The following PTPRF variants were observed in gnomAD, a reference collection of about 807,000 sequenced individuals.
PTPRF encodes the protein receptor-type tyrosine-protein phosphatase F.
Under a neutral mutation model 201.8 loss-of-function variants are expected in PTPRF, and 59 were observed. The ratio of observed to expected loss-of-function variants is 0.29; its 90% CI spans 0.24 to 0.36. The LOEUF (loss-of-function observed/expected upper bound fraction) is 0.36. Among genes scored for constraint, PTPRF ranks in the 10% least tolerant of loss-of-function variants. PTPRF has a pLI of 1.00. For missense variants in PTPRF, 2,132 were observed against 2,690.5 expected, an observed-to-expected ratio of 0.79 and a Z score of 4.59; for synonymous variants, 1,088 against 1,089.7, an observed-to-expected ratio of 1.00 and a Z score of 0.03.
intron 5 of PTPRF, among the ~76,000 whole-genome samples, chr1:43,566,980 C>G (rs1398717616): frequency 2.6e-5 from 4 of 152,196 alleles, no homozygotes; most frequent in Non-Finnish European, 5.9e-5. Context: ...AAAGACCTTC[C>G]TCGTGTAAGG....
At chr1:43,550,797 T>C (rs1404628704) in intron 3 of PTPRF, among the ~76,000 whole-genome samples, 1 of 152,130 alleles carries the variant, frequency 6.6e-6, no homozygotes, top group Non-Finnish European at 1.5e-5. Context: ...AACTAGGAAC[T>C]GAGCTCATAG....
intron 11 of PTPRF, among the ~76,000 whole-genome samples, chr1:43,597,321 AGACACTATGTATATGT>A (rs1652561926): frequency 6.6e-6 from 1 of 151,834 alleles, no homozygotes; most frequent in Non-Finnish European, 1.5e-5. Context: ...ACTATGTGTG[AGACACTATGTATATGT>A]GACACTATGT....
Position 43,620,808 on chromosome 1 carries a change from C to T in PTPRF, c.5365-30C>T, listed in dbSNP as rs780547228. On this transcript the variant is annotated intron_variant, in intron 31 of 33. Coordinates refer to ENST00000359947, the MANE Select transcript of PTPRF (RefSeq NM_002840.5). ...GGGGTGGCTGCCTAAGGCACGAATTCTAATCATGTACCCCACCCACCTTTC... is the reference window on the plus strand; with the variant it reads ...GGGGTGGCTGCCTAAGGCACGAATTTTAATCATGTACCCCACCCACCTTTC... 8 of 1,595,978 alleles carry T rather than the reference C, an allele frequency of 5.0e-6. No homozygotes were observed. In the African/African-American group the frequency reaches 6.7e-5, roughly 13 times the overall value.
intron 8 of PTPRF, among the ~76,000 whole-genome samples, chr1:43,590,362 A>T (rs892176092): frequency 6.6e-6 from 1 of 152,190 alleles, no homozygotes; most frequent in Non-Finnish European, 1.5e-5. Context: ...GAGAGCAGGG[A>T]TGTGACTGTG....
intron 8 of PTPRF, 82 bp from the exon 9 acceptor site, chr1:43,590,890 A>G (rs1650503599): frequency 3.1e-6 from 4 of 1,299,166 alleles, no homozygotes; most frequent in Non-Finnish European, 4.3e-6. Flanking sequence ...CCCACCAGAT[A>G]TCCTGGATAA....
chr1:43,555,439 A>ATTTT, intron 5 of PTPRF, among the ~76,000 whole-genome samples: 1 of 137,020 alleles, frequency 7.3e-6, no homozygotes, highest in Non-Finnish European at 1.6e-5. Context: ...CTGTATCATT[A>ATTTT]TTCTTTTTTT....
intron 7 of PTPRF, among the ~76,000 whole-genome samples, chr1:43,581,314 A>G (rs1418438282): frequency 6.6e-6 from 1 of 152,218 alleles, no homozygotes; most frequent in Non-Finnish European, 1.5e-5. Context: ...CCCACTTGCC[A>G]GGGACTCCAA....
chr1:43,601,984 T>C (rs2154023517), intron 13 of PTPRF, 87 bp from the exon 14 acceptor site: 1 of 1,506,592 alleles, frequency 6.6e-7, no homozygotes, highest in East Asian at 2.3e-5. Context: ...CTGTCCTCCC[T>C]GGGCAAGGTC....
rs78975516 is a variant in PTPRF at position 43,614,444 on chromosome 1, G to A, written c.4071+729G>A. Among the ~76,000 whole-genome samples the A allele has an allele frequency of 2.4e-3, 367 of 152,314 alleles. 2 individuals are homozygous for A. The highest frequency in any genetic ancestry group is 8.4e-3 in the African/African-American group (350 of 41,562). On this transcript the variant is annotated intron_variant, in intron 23 of 33. Coordinates refer to ENST00000359947, the MANE Select transcript of PTPRF (RefSeq NM_002840.5). Reference sequence around the variant, plus strand: ...AACTCCTAGGAGCCTGCTGGGGGCTGAGCCTTCAAGAGTCTGAGGGTTTCC... The same window carrying A: ...AACTCCTAGGAGCCTGCTGGGGGCTAAGCCTTCAAGAGTCTGAGGGTTTCC...
At chr1:43,572,966 C>T (rs935234349) in intron 6 of PTPRF, among the ~76,000 whole-genome samples, 49 of 152,112 alleles carry the variant, frequency 3.2e-4, no homozygotes, top group African/African-American at 1.1e-3. Flanking sequence ...CCCAGGCCCC[C>T]ACTGACCAGT....
chr1:43,583,380 C>T (rs1648252274), intron 7 of PTPRF, among the ~76,000 whole-genome samples: 1 of 152,236 alleles, frequency 6.6e-6, no homozygotes, highest in African/African-American at 2.4e-5. Context: ...TGGCATGAAA[C>T]TGTACCCCAC....
At chr1:43,550,404 T>TCCAGCCC (rs1644955622) in intron 3 of PTPRF, among the ~76,000 whole-genome samples, 1 of 152,004 alleles carries the variant, frequency 6.6e-6, no homozygotes, top group South Asian at 2.1e-4. Context: ...TTCAGCCGGT[T>TCCAGCCC]CCAGCCCCCA....
chr1:43,576,073 C>T (rs45605334), intron 6 of PTPRF: 43,007 of 622,234 alleles, frequency 0.069, 1,735 homozygotes, highest in East Asian at 0.21. Context: ...CCAACACCAC[C>T]GGCCACCACA....
chr1:43,587,504 G>A (rs1649460325), intron 7 of PTPRF, among the ~76,000 whole-genome samples: 1 of 152,218 alleles, frequency 6.6e-6, no homozygotes, highest in African/African-American at 2.4e-5. Flanking sequence ...TGGACCGGGA[G>A]GTCTCTGAAG....
intron 1 of PTPRF, among the ~76,000 whole-genome samples, chr1:43,531,299 C>A (rs1643465242): frequency 6.7e-6 from 1 of 148,454 alleles, no homozygotes; most frequent in South Asian, 2.1e-4. Flanking sequence ...CTCCTCCCCG[C>A]TCACCCCGCG....
chr1:43,597,621 G>A, intron 11 of PTPRF, 127 bp from the exon 12 acceptor site: 1 of 710,652 alleles, frequency 1.4e-6, no homozygotes. Context: ...GAGGGACCCT[G>A]GGATGGCCAT....
chr1:43,569,872 C>T (rs962245033), intron 6 of PTPRF, 94 bp downstream of exon 6: 74 of 1,362,742 alleles, frequency 5.4e-5, no homozygotes, highest in Middle Eastern at 5.1e-4. Flanking sequence ...GCCTGGGCAC[C>T]TCCAGGGCTG....
Position 43,588,562 on chromosome 1 carries a change from G to A in PTPRF, c.680-169G>A, listed in dbSNP as rs1649774937. On this transcript the variant is annotated intron_variant, in intron 7 of 33. Coordinates refer to ENST00000359947, the MANE Select transcript of PTPRF (RefSeq NM_002840.5). The surrounding 1 kb of genome is among the most constrained non-coding windows in gnomAD (Gnocchi z 5.3). ...GGGGGCCACTTCTAGGCTGGAAGTG[G>A]GTGGGGTGGGAGTGGATGATGAGCT... Among the ~76,000 whole-genome samples the A allele has an allele frequency of 6.6e-6, 1 of 152,204 alleles. No homozygotes were observed. The highest frequency in any genetic ancestry group is 6.5e-5 in the Admixed American group (1 of 15,288).
chr1:43,619,624 A>AG (rs753891635), intron 28 of PTPRF, 51 bp downstream of exon 28: 21 of 1,609,882 alleles, frequency 1.3e-5, no homozygotes, highest in Admixed American at 1.7e-5. Flanking sequence ...TGGGTCATGC[A>AG]GATGACCCCC....
Sources: allele counts gnomAD v4.1 joint callset (sites outside exome capture counted in the v4.1 genomes callset), GRCh38; gene constraint gnomAD v4.1.1; non-coding constraint Gnocchi (gnomAD v3.1); transcripts MANE v1.5; gene names NCBI Gene and HGNC (gene_info 2026-07-23, HGNC 2026-07-21).